Variants in KHDRBS3 observed in about 807,000 individuals in gnomAD.
KHDRBS3 encodes KH domain-containing, RNA-binding, signal transduction-associated protein 3.
Under a neutral mutation model 45.6 loss-of-function variants are expected in KHDRBS3, and 23 were observed. The ratio of observed to expected loss-of-function variants is 0.50; its 90% CI spans 0.36 to 0.72. KHDRBS3 has a LOEUF of 0.72. Ranked by LOEUF, KHDRBS3 falls within the 30% of genes least tolerant of loss-of-function variation. The pLI is 0.00. For synonymous variants in KHDRBS3, 162 were observed against 156.5 expected, an observed-to-expected ratio of 1.04 and a Z score of -0.26; for missense variants, 352 against 424.8, an observed-to-expected ratio of 0.83 and a Z score of 1.51.
chr8:135,574,554 T>G (rs1043413931), intron 5 of KHDRBS3, among the ~76,000 whole-genome samples: 1 of 152,274 alleles, frequency 6.6e-6, no homozygotes. Context: ...GGCATACATT[T>G]ATATATTCAA....
intron 1 of KHDRBS3, among the ~76,000 whole-genome samples, chr8:135,495,733 C>T (rs552428781): frequency 5.3e-5 from 8 of 152,216 alleles, no homozygotes; most frequent in African/African-American, 1.9e-4. Context: ...GTTTCCCTAG[C>T]TGCAGTTTAG....
At chr8:135,468,862 T>C (rs1821833880) in intron 1 of KHDRBS3, among the ~76,000 whole-genome samples, 1 of 152,236 alleles carries the variant, frequency 6.6e-6, no homozygotes, top group African/African-American at 2.4e-5. Flanking sequence ...GTCAATTTGT[T>C]CAGGTCCTTG....
rs554538182 is a variant in KHDRBS3 at position 135,458,346 on chromosome 8, G to A, written c.88+392G>A. Among the ~76,000 whole-genome samples the A allele has an allele frequency of 2.0e-5, 3 of 152,258 alleles. No homozygotes were observed. The South Asian group carries it at 6.2e-4, about 32-fold the overall frequency. ...AAGTAGGGCGTTTGGTTTGTCTAAGGTACTGGAGAAAAAGCTGGAGGAAAA... is the reference window on the plus strand; with the variant it reads ...AAGTAGGGCGTTTGGTTTGTCTAAGATACTGGAGAAAAAGCTGGAGGAAAA... On this transcript the variant is annotated intron_variant, in intron 1 of 8. Coordinates refer to ENST00000355849, the MANE Select transcript of KHDRBS3 (RefSeq NM_006558.3).
At chr8:135,502,723 A>G (rs1387475395) in intron 1 of KHDRBS3, among the ~76,000 whole-genome samples, 2 of 152,132 alleles carry the variant, frequency 1.3e-5, no homozygotes, top group Non-Finnish European at 2.9e-5. Flanking sequence ...GCTGCTTAGA[A>G]TTATTATGTG....
rs544137510 is a variant in KHDRBS3 at position 135,634,206 on chromosome 8, G to C, written c.891-10853G>C. 2.0e-5 allele frequency among the ~76,000 whole-genome samples: 3 copies of C among 152,284 alleles called. No homozygotes were observed. The East Asian group carries it at 5.8e-4, about 29-fold the overall frequency. On this transcript the variant is annotated intron_variant, in intron 7 of 8. Transcript: ENST00000355849. Reference sequence around the variant, plus strand: ...ATTATTTTAAGTCCTACTTCCCACTGTTTTTCCCAAATCACATTTTATAGC... The same window carrying C: ...ATTATTTTAAGTCCTACTTCCCACTCTTTTTCCCAAATCACATTTTATAGC...
chr8:135,597,198 A>G (rs976001051), intron 6 of KHDRBS3, among the ~76,000 whole-genome samples: 15 of 152,280 alleles, frequency 9.9e-5, no homozygotes, highest in African/African-American at 3.6e-4. Context: ...CCCACAGGGC[A>G]GAAGGGCAAA....
intron 2 of KHDRBS3, among the ~76,000 whole-genome samples, chr8:135,534,960 C>G (rs978214840): frequency 6.6e-6 from 1 of 152,046 alleles, no homozygotes; most frequent in Non-Finnish European, 1.5e-5. Flanking sequence ...AACTGAGGTC[C>G]CCGCTGACAG....
chr8:135,652,045 A>G (rs1831441101), downstream of KHDRBS3, among the ~76,000 whole-genome samples: 1 of 152,254 alleles, frequency 6.6e-6, no homozygotes, highest in African/African-American at 2.4e-5. Flanking sequence ...GAGACATTTT[A>G]TAGAATATGT....
chr8:135,577,640 T>A (rs548971020), intron 5 of KHDRBS3, among the ~76,000 whole-genome samples: 8 of 152,280 alleles, frequency 5.3e-5, no homozygotes, highest in Non-Finnish European at 1.0e-4. Flanking sequence ...TGTAACCCAG[T>A]TTGCTTATCT....
chr8:135,608,160 A>C (rs1384203695), intron 7 of KHDRBS3, among the ~76,000 whole-genome samples: 1 of 152,170 alleles, frequency 6.6e-6, no homozygotes, highest in Non-Finnish European at 1.5e-5. Flanking sequence ...CATTGTTTTC[A>C]TTGTATACAT....
intron 6 of KHDRBS3, among the ~76,000 whole-genome samples, chr8:135,602,192 C>T (rs1563798758): frequency 6.6e-6 from 1 of 152,178 alleles, no homozygotes; most frequent in Admixed American, 6.5e-5. Flanking sequence ...CCTGTGCTCC[C>T]TACCTGGAAC....
chr8:135,589,093 G>A (rs548892436), intron 6 of KHDRBS3, among the ~76,000 whole-genome samples: 1 of 152,174 alleles, frequency 6.6e-6, no homozygotes, highest in South Asian at 2.1e-4. Context: ...CTATTTTTGT[G>A]CACTATTTTA....
chr8:135,569,516 G>A (rs190261667), intron 5 of KHDRBS3, among the ~76,000 whole-genome samples: 98 of 152,246 alleles, frequency 6.4e-4, no homozygotes, highest in African/African-American at 2.3e-3. Flanking sequence ...ATTGTCTTGA[G>A]ATACAAACTA....
At chr8:135,634,085 C>A (rs34529605) in intron 7 of KHDRBS3, among the ~76,000 whole-genome samples, 30,894 of 152,130 alleles carry the variant, frequency 0.2, 3,692 homozygotes, top group Middle Eastern at 0.28. Context: ...CATGTGTATA[C>A]ACTTGATATC....
chr8:135,605,057 T>C (rs1006444993), intron 6 of KHDRBS3, among the ~76,000 whole-genome samples: 4 of 152,078 alleles, frequency 2.6e-5, no homozygotes, highest in Admixed American at 1.3e-4. Flanking sequence ...TCATTCTACT[T>C]TCAAGATTCT....
chr8:135,510,922 T>A (rs1316870529), intron 1 of KHDRBS3, among the ~76,000 whole-genome samples: 1 of 152,246 alleles, frequency 6.6e-6, no homozygotes, highest in Non-Finnish European at 1.5e-5. Flanking sequence ...CCACCTTTTT[T>A]AACAGTATAA....
intron 6 of KHDRBS3, among the ~76,000 whole-genome samples, chr8:135,597,146 A>C (rs558281359): frequency 6.6e-6 from 1 of 152,296 alleles, no homozygotes; most frequent in South Asian, 2.1e-4. Context: ...TAAGTGGTCA[A>C]GACTTGCTCT....
intron 7 of KHDRBS3, among the ~76,000 whole-genome samples, chr8:135,613,307 A>G (rs763304139): frequency 9.9e-5 from 15 of 151,846 alleles, no homozygotes; most frequent in Non-Finnish European, 2.1e-4. Flanking sequence ...CAACTTTAAC[A>G]TTTACTGGCT....
At chr8:135,513,473 C>T (rs1228415374) in intron 1 of KHDRBS3, among the ~76,000 whole-genome samples, 1 of 152,134 alleles carries the variant, frequency 6.6e-6, no homozygotes, top group East Asian at 1.9e-4. Context: ...TTATAAGTTA[C>T]TTTCTGACAG....
Sources: gnomAD v4.1 joint callset for allele counts (sites outside exome capture counted in the v4.1 genomes callset) on GRCh38, gnomAD v4.1.1 for gene constraint, MANE v1.5 for transcripts, NCBI Gene and HGNC (gene_info 2026-07-23, HGNC 2026-07-21) for gene names.